The following DOC2A variants were observed in gnomAD, a reference collection of about 807,000 sequenced individuals.
The protein encoded by DOC2A is double C2 domain alpha.
In DOC2A, 28 loss-of-function variants were observed where a neutral mutation model predicts 40.6. The ratio of observed to expected loss-of-function variants is 0.69; its 90% CI spans 0.51 to 0.95. The LOEUF (loss-of-function observed/expected upper bound fraction) is 0.95. Ranked by LOEUF, DOC2A falls within the 40% of genes least tolerant of loss-of-function variation. DOC2A has a pLI of 0.00. For missense variants in DOC2A, 474 were observed against 552.5 expected (o/e 0.86, Z 1.42); for synonymous variants, 241 against 236.9 (o/e 1.02, Z -0.16).
chr16:30,015,753 T>A (rs906928069), upstream of DOC2A, among the ~76,000 whole-genome samples: 1 of 144,614 alleles, frequency 6.9e-6, no homozygotes, highest in African/African-American at 2.5e-5. Context: ...TAGGCTGGAG[T>A]GCAGTGGCAA....
At chr16:30,011,764 T>C (rs2070785406), upstream of DOC2A, 3 of 152,262 alleles carry the variant, frequency 2.0e-5, no homozygotes, top group Admixed American at 2.0e-4. Flanking sequence ...CCCCCTCCCT[T>C]TGGCCGTTCA....
At chr16:30,007,120 C>G (rs373818256) in intron 6 of DOC2A, 30 bp from the exon 7 acceptor site, 3 of 1,613,802 alleles carry the variant, frequency 1.9e-6, no homozygotes, top group Non-Finnish European at 2.5e-6. Context: ...GTTCTGGAAG[C>G]CTGGCCTCCC....
In DOC2A at chr16:30,006,538, G is replaced by A. The variant is rs1341607968; in HGVS notation, c.961-29C>T. On this transcript the variant is annotated intron_variant, in intron 9 of 10. Transcript: ENST00000350119. This position sits in a 1 kb window ranked among gnomAD's most constrained non-coding sequence, Gnocchi z 6.2. Reference sequence around the variant, plus strand: ...GGGACAAGGCCGGCCACCCGTTCGTGAGCCAGCTCCCCAGCCCCTCCCTGG... The same window carrying A: ...GGGACAAGGCCGGCCACCCGTTCGTAAGCCAGCTCCCCAGCCCCTCCCTGG... 1.2e-6 allele frequency: 2 copies of A among 1,613,102 alleles called. No homozygotes were observed. The highest frequency in any genetic ancestry group is 1.1e-5 in the South Asian group (1 of 91,032).
chr16:30,005,578 C>T lies in DOC2A; in HGVS notation c.*608G>A, dbSNP rs560196995. On this transcript the variant is annotated 3_prime_UTR_variant, in exon 11 of 11. Transcript: ENST00000350119. ...CGGCCACTGACACAACCAGAAAAGGCGTAAACATGCACGGGTGTCCCCCAG... is the reference window on the plus strand; with the variant it reads ...CGGCCACTGACACAACCAGAAAAGGTGTAAACATGCACGGGTGTCCCCCAG... 24 of 851,286 alleles carry T rather than the reference C, an allele frequency of 2.8e-5. No homozygotes were observed. Among genetic ancestry groups the T allele is most frequent in the Middle Eastern group, 3.4e-4 (1 of 2,954 alleles). The allele number at this position is 851,286 out of a possible 1,614,324, so 52.7% of individuals were successfully genotyped here.
rs1441313672 is a variant in DOC2A, at chr16:30,010,265, C to T, written c.-13-30G>A. On this transcript the variant is annotated intron_variant, in intron 1 of 10. Coordinates refer to ENST00000350119, the MANE Select transcript of DOC2A (RefSeq NM_003586.3). This position sits in a 1 kb window ranked among gnomAD's most constrained non-coding sequence, Gnocchi z 4.2. ...GAGAGGGCGTGTGAGCCAGTGAGCC[C>T]ATCATACCTAGCCATCCTGGCTGAG... is the stretch of plus-strand genomic sequence containing the variant. 6.2e-7 allele frequency: 1 copy of T among 1,610,326 alleles called. No individual in the cohort carries two copies. Among genetic ancestry groups the T allele is most frequent in the Non-Finnish European group, 8.5e-7 (1 of 1,179,932 alleles).
chr16:30,017,692 C>G (rs2070867908), intron 1 of DOC2A, among the ~76,000 whole-genome samples: 1 of 152,100 alleles, frequency 6.6e-6, no homozygotes, highest in Non-Finnish European at 1.5e-5. Context: ...TGCGGTGGCT[C>G]ATGCCTGTAA....
At chr16:30,020,326 G>A (rs1431143893) in intron 1 of DOC2A, among the ~76,000 whole-genome samples, 1 of 152,118 alleles carries the variant, frequency 6.6e-6, no homozygotes, top group African/African-American at 2.4e-5. Context: ...TCATAGGTGT[G>A]AGCACCGCGC....
In DOC2A at chr16:30,009,438, C is replaced by T. The variant is rs958141060; in HGVS notation, c.342+40G>A. 9 of 1,545,970 alleles carry T rather than the reference C, an allele frequency of 5.8e-6. No homozygotes were observed. The highest frequency in any genetic ancestry group is 1.4e-5 in the African/African-American group (1 of 72,896). On this transcript the variant is annotated intron_variant, in intron 3 of 10. Coordinates refer to ENST00000350119, the MANE Select transcript of DOC2A (RefSeq NM_003586.3). The surrounding 1 kb of genome is among the most constrained non-coding windows in gnomAD (Gnocchi z 4.1). ...GAATGGGCCCCCTCTGGGGGCTGCA[C>T]GCAAACCGGGCCCGGGCTTGGGTGG...
chr16:30,016,037 ATATATATATATATATATATT>A (rs1287108106), upstream of DOC2A, among the ~76,000 whole-genome samples: 19 of 31,490 alleles, frequency 6.0e-4, no homozygotes, highest in Non-Finnish European at 9.7e-4. Context: ...ATATATATAT[ATATATATATATATATATATT>A]TTTTTTTTTT....
intron 1 of DOC2A, among the ~76,000 whole-genome samples, chr16:30,018,135 C>G (rs572276858): frequency 4.6e-4 from 62 of 135,036 alleles, no homozygotes; most frequent in Non-Finnish European, 8.4e-4. Flanking sequence ...AAAAACTTAG[C>G]TGGGCATGAT....
intron 5 of DOC2A, 177 bp from the exon 6 acceptor site, chr16:30,007,476 C>A: frequency 1.2e-6 from 1 of 804,402 alleles, no homozygotes; most frequent in South Asian, 1.6e-5. Context: ...CCTCTGCAGC[C>A]ACCCGGCTGT....
At chr16:30,016,857 CGTG>C (rs548321459), upstream of DOC2A, among the ~76,000 whole-genome samples, 31 of 152,104 alleles carry the variant, frequency 2.0e-4, no homozygotes, top group Non-Finnish European at 4.0e-4. Flanking sequence ...GGGAAACTGA[CGTG>C]GGGACAGGGG....
At chr16:30,013,158 CAAAAAAAAA>C (rs1171077200), upstream of DOC2A, among the ~76,000 whole-genome samples, 7 of 39,182 alleles carry the variant, frequency 1.8e-4, no homozygotes, top group African/African-American at 5.3e-4. Context: ...CCTGTCTCTA[CAAAAAAAAA>C]AAAAAAAAAA....
Position 30,010,314 on chromosome 16 carries a change from C to A in DOC2A, c.-13-79G>T. The A allele has an allele frequency of 6.3e-7, 1 of 1,578,718 alleles. No individual in the cohort carries two copies. The highest frequency in any genetic ancestry group is 1.1e-5 in the South Asian group (1 of 90,310). On this transcript the variant is annotated intron_variant, in intron 1 of 10. Transcript: ENST00000350119. The surrounding 1 kb of genome is among the most constrained non-coding windows in gnomAD (Gnocchi z 4.2). ...AGGGCCAGGCGACGGCCTCCTCGGT[C>A]TGTGGGGCCCTCACTGGCCTCCCTT... is the stretch of plus-strand genomic sequence containing the variant.
upstream of DOC2A, chr16:30,023,139 C>T: frequency 2.1e-6 from 1 of 487,578 alleles, no homozygotes; most frequent in East Asian, 3.4e-5. Flanking sequence ...AATGCTGGGG[C>T]TGCCACCATT....
Position 30,009,397 on chromosome 16 carries a change from C to T in DOC2A, c.342+81G>A. On this transcript the variant is annotated intron_variant, in intron 3 of 10. Coordinates refer to ENST00000350119, the MANE Select transcript of DOC2A (RefSeq NM_003586.3). This position sits in a 1 kb window ranked among gnomAD's most constrained non-coding sequence, Gnocchi z 4.1. ...GCAAGGGCAGGACGAAGGAGCAGGC[C>T]TGGGAAGGGAAGGAGGAATGGGCCC... 6.6e-7 allele frequency: 1 copy of T among 1,505,214 alleles called. No homozygotes were observed. Among genetic ancestry groups the T allele is most frequent in the South Asian group, 1.2e-5 (1 of 83,140 alleles). The allele number at this position is 1,505,214 out of a possible 1,614,324, so 93.2% of individuals were successfully genotyped here. A position where few individuals can be genotyped will look rare whatever the true frequency, so the allele number is the denominator to read the frequency against.
At chr16:30,011,049 G>GTGGGGGTGAGCGAGT (rs2070766103), upstream of DOC2A, 1 of 984,704 alleles carries the variant, frequency 1.0e-6, no homozygotes, top group Non-Finnish European at 1.2e-6. Context: ...GGTGAGCGAG[G>GTGGGGGTGAGCGAGT]TGGAGGCGAG....
intron 1 of DOC2A, among the ~76,000 whole-genome samples, chr16:30,019,273 G>A (rs535632907): frequency 1.3e-5 from 2 of 152,262 alleles, no homozygotes; most frequent in East Asian, 1.9e-4. Context: ...AGCCGAGATC[G>A]CGCCACTGCA....
intron 1 of DOC2A, among the ~76,000 whole-genome samples, chr16:30,019,913 T>C (rs2150964720): frequency 6.6e-6 from 1 of 151,084 alleles, no homozygotes; most frequent in South Asian, 2.1e-4. Context: ...CTTTTTTTTT[T>C]TCTTTTTCTT....
Sources: gnomAD v4.1 joint callset for allele counts (sites outside exome capture counted in the v4.1 genomes callset) on GRCh38, gnomAD v4.1.1 for gene constraint, Gnocchi (gnomAD v3.1) non-coding constraint, MANE v1.5 for transcripts, NCBI Gene and HGNC (gene_info 2026-07-23, HGNC 2026-07-21) for gene names.